The following TSPAN2 variants were observed in gnomAD, a reference collection of about 807,000 sequenced individuals.
TSPAN2 encodes the protein tetraspanin 2, also known as tetraspanin-2.
In TSPAN2, 24 loss-of-function variants were observed where a neutral mutation model predicts 33.3. The ratio of observed to expected loss-of-function variants is 0.72; its 90% CI spans 0.52 to 1.01. TSPAN2 has a LOEUF of 1.01. TSPAN2 is among the 50% of genes least tolerant of loss of function. The pLI, the probability that TSPAN2 is intolerant of heterozygous loss-of-function variation, is 0.00. For missense variants in TSPAN2, 278 were observed against 281.3 expected (o/e 0.99, Z 0.08); for synonymous variants, 114 against 104.5 (o/e 1.09, Z -0.56).
intron 1 of TSPAN2, among the ~76,000 whole-genome samples, chr1:115,077,419 T>C (rs867981074): frequency 6.6e-6 from 1 of 152,150 alleles, no homozygotes; most frequent in African/African-American, 2.4e-5. Flanking sequence ...TCATCACATA[T>C]GGTTATAGTA....
Position 115,049,076 on chromosome 1 carries a change from A to G in TSPAN2, c.*1414T>C, listed in dbSNP as rs1378989936. 2.6e-5 allele frequency: 4 copies of G among 152,128 alleles called. No individual in the cohort carries two copies. The highest frequency in any genetic ancestry group is 4.4e-5 in the Non-Finnish European group (3 of 67,992). 9.4% of individuals were successfully genotyped at this position (152,128 alleles called of 1,614,324 possible). On this transcript the variant is annotated 3_prime_UTR_variant, in exon 8 of 8. Transcript: ENST00000369516. ...GGTTTCCAAAGCCTTCCGTATTTTC[A>G]CTTATGTGTGGCCTTACAAAATGTA...
At chr1:115,076,718 A>G (rs1365242407) in intron 1 of TSPAN2, among the ~76,000 whole-genome samples, 1 of 152,184 alleles carries the variant, frequency 6.6e-6, no homozygotes, top group African/African-American at 2.4e-5. Context: ...TTTAAAATAC[A>G]CTTATTGAGC....
intron 7 of TSPAN2, among the ~76,000 whole-genome samples, chr1:115,050,932 T>G (rs1001292363): frequency 6.6e-6 from 1 of 152,188 alleles, no homozygotes; most frequent in Non-Finnish European, 1.5e-5. Context: ...CATAACCACT[T>G]GTTGTTTAGA....
At chr1:115,057,451 A>T in intron 6 of TSPAN2, 86 bp downstream of exon 6, 34 of 1,293,572 alleles carry the variant, frequency 2.6e-5, no homozygotes, top group Non-Finnish European at 3.7e-5. Context: ...TAAAATGCAG[A>T]TCCCATCCGA....
chr1:115,079,137 CCACA>C (rs202132434), intron 1 of TSPAN2, among the ~76,000 whole-genome samples: 2,700 of 146,722 alleles, frequency 0.018, 69 homozygotes, highest in African/African-American at 0.061. Flanking sequence ...AATTATAGCG[CCACA>C]CACACACACA....
intron 3 of TSPAN2, 97 bp downstream of exon 3, chr1:115,062,038 G>C (rs1448776067): frequency 1.9e-6 from 2 of 1,029,504 alleles, no homozygotes; most frequent in South Asian, 1.5e-5. Context: ...GAGAGTCCAC[G>C]GAGGAGCTGG....
intron 7 of TSPAN2, 110 bp from the exon 8 acceptor site, chr1:115,050,665 T>A: frequency 1.2e-6 from 1 of 810,986 alleles, no homozygotes; most frequent in Admixed American, 2.2e-5. Context: ...TTATAACCAA[T>A]AATTACCAGT....
chr1:115,073,025 C>T lies in TSPAN2; in HGVS notation c.70-18G>A, dbSNP rs1206860002. The T allele has an allele frequency of 1.2e-6, 2 of 1,607,192 alleles. No individual in the cohort carries two copies. Among genetic ancestry groups the T allele is most frequent in the Non-Finnish European group, 1.7e-6 (2 of 1,173,840 alleles). On this transcript the variant is annotated intron_variant, in intron 1 of 7. Transcript: ENST00000369516. ...CCAGCCAGCTGGAAGGCAAACGACACTGTGTTTACAGTGGAAGGGGAAAGA... is the reference window on the plus strand; with the variant it reads ...CCAGCCAGCTGGAAGGCAAACGACATTGTGTTTACAGTGGAAGGGGAAAGA...
chr1:115,055,215 G>A (rs12026930), intron 6 of TSPAN2, among the ~76,000 whole-genome samples: 53,103 of 151,892 alleles, frequency 0.35, 9,594 homozygotes, highest in South Asian at 0.5. Context: ...TCTGCCATTA[G>A]GCCCTCCTTC....
At chr1:115,084,201 T>C (rs1382484930) in intron 1 of TSPAN2, among the ~76,000 whole-genome samples, 1 of 152,274 alleles carries the variant, frequency 6.6e-6, no homozygotes, top group South Asian at 2.1e-4. Flanking sequence ...TATTATTTAC[T>C]GTATGCATGA....
chr1:115,089,450 G>A lies in TSPAN2; in HGVS notation c.-18C>T. On this transcript the variant is annotated 5_prime_UTR_variant, in exon 1 of 8. Transcript: ENST00000369516. ...CGCCCCATGCTGCGGCCCGGCGGCG[G>A]GATCCCCAGTCCCCAGGCCCGCGCT... The A allele has an allele frequency of 3.2e-6, 5 of 1,545,488 alleles. No homozygotes were observed. Among genetic ancestry groups the A allele is most frequent in the East Asian group, 2.5e-5 (1 of 39,620 alleles).
At chr1:115,062,038 G>A (rs1448776067) in intron 3 of TSPAN2, 97 bp downstream of exon 3, 3 of 1,029,504 alleles carry the variant, frequency 2.9e-6, no homozygotes, top group African/African-American at 1.6e-5. Context: ...GAGAGTCCAC[G>A]GAGGAGCTGG....
In TSPAN2 at chr1:115,048,686, G is replaced by A. The variant is rs1675228289; in HGVS notation, c.*1804C>T. On this transcript the variant is annotated 3_prime_UTR_variant, in exon 8 of 8. Transcript: ENST00000369516. ...GCAGAGAGATAAACTAAAGCTAAGAGAGATGGACTGCCTGTTCTTTGCCTA... is the reference window on the plus strand; with the variant it reads ...GCAGAGAGATAAACTAAAGCTAAGAAAGATGGACTGCCTGTTCTTTGCCTA... The A allele has an allele frequency of 6.6e-6, 1 of 152,058 alleles. No individual in the cohort carries two copies. The highest frequency in any genetic ancestry group is 2.1e-4 in the South Asian group (1 of 4,832). 9.4% of individuals were successfully genotyped at this position (152,058 alleles called of 1,614,324 possible).
intron 2 of TSPAN2, among the ~76,000 whole-genome samples, chr1:115,071,529 CTA>C (rs1343332944): frequency 2.6e-5 from 4 of 152,152 alleles, no homozygotes; most frequent in Non-Finnish European, 5.9e-5. Context: ...ACTTCTTTTA[CTA>C]TATTTCATCA....
chr1:115,052,458 C>T (rs1647212981), intron 7 of TSPAN2, among the ~76,000 whole-genome samples: 1 of 152,280 alleles, frequency 6.6e-6, no homozygotes, highest in African/African-American at 2.4e-5. Flanking sequence ...CCAATCTTGC[C>T]TCCCTCCAAC....
intron 1 of TSPAN2, among the ~76,000 whole-genome samples, chr1:115,083,113 AT>A: frequency 6.6e-6 from 1 of 152,290 alleles, no homozygotes; most frequent in South Asian, 2.1e-4. Flanking sequence ...CCCATCTGGT[AT>A]TTCCATCTTG....
Position 115,049,241 on chromosome 1 carries a change from C to T in TSPAN2, c.*1249G>A, listed in dbSNP as rs1490200553. On this transcript the variant is annotated 3_prime_UTR_variant, in exon 8 of 8. Coordinates refer to ENST00000369516, the MANE Select transcript of TSPAN2 (RefSeq NM_005725.6). ...AAAAACATTGAAAATTTTATTTTCA[C>T]AGGGGATTTGCATAAAAAGAACATT... is the stretch of plus-strand genomic sequence containing the variant. 1.3e-5 allele frequency: 2 copies of T among 152,246 alleles called. No individual in the cohort carries two copies. The highest frequency in any genetic ancestry group is 4.8e-5 in the African/African-American group (2 of 41,416). The allele number at this position is 152,246 out of a possible 1,614,324, so 9.4% of individuals were successfully genotyped here. A position where few individuals can be genotyped will look rare whatever the true frequency, so the allele number is the denominator to read the frequency against.
chr1:115,050,468 C>A lies in TSPAN2; in HGVS notation c.*22G>T. On this transcript the variant is annotated 3_prime_UTR_variant, in exon 8 of 8. Coordinates refer to ENST00000369516, the MANE Select transcript of TSPAN2 (RefSeq NM_005725.6). ...CATTTGGTATGAAAGCTTTAGATTG[C>A]AATTTTCATGTAGAAGTAGCTTCAT... The A allele has an allele frequency of 6.2e-7, 1 of 1,610,720 alleles. No individual in the cohort carries two copies. The highest frequency in any genetic ancestry group is 8.5e-7 in the Non-Finnish European group (1 of 1,177,018).
chr1:115,082,729 T>C (rs1020509332), intron 1 of TSPAN2, among the ~76,000 whole-genome samples: 1 of 152,212 alleles, frequency 6.6e-6, no homozygotes, highest in African/African-American at 2.4e-5. Context: ...CTGGAATGCA[T>C]CAAGACTAAA....
Sources: allele counts gnomAD v4.1 joint callset (sites outside exome capture counted in the v4.1 genomes callset), GRCh38; gene constraint gnomAD v4.1.1; transcripts MANE v1.5; gene names NCBI Gene and HGNC (gene_info 2026-07-23, HGNC 2026-07-21).